BCAR1: variants seen among roughly 807,000 people sequenced by gnomAD.
The protein encoded by BCAR1 is breast cancer anti-estrogen resistance protein 1.
Under a neutral mutation model 67.6 loss-of-function variants are expected in BCAR1, and 30 were observed. The observed-to-expected ratio is 0.44, with a 90% CI of 0.33 to 0.60. The LOEUF is 0.60. Among genes scored for constraint, BCAR1 ranks in the 20% least tolerant of loss-of-function variants. BCAR1 has a pLI of 0.02. For missense variants in BCAR1, 1,313 were observed against 1,222.3 expected, an observed-to-expected ratio of 1.07 and a Z score of -1.11; for synonymous variants, 626 against 556.7, an observed-to-expected ratio of 1.12 and a Z score of -1.75.
chr16:75,263,958 C>G, intron 1 of BCAR1: 1 of 1,137,982 alleles, frequency 8.8e-7, no homozygotes, highest in Non-Finnish European at 1.1e-6. Flanking sequence ...CCACGGTGAT[C>G]TGCCAGCCAG....
chr16:75,236,866 C>G lies in BCAR1; in HGVS notation c.912+16G>C. Reference sequence around the variant, plus strand: ...AGCCTCAGCCTGGCCCTGGCATTGCCCTGGCATTTGCTCACTGCGTGGTGG... The same window carrying G: ...AGCCTCAGCCTGGCCCTGGCATTGCGCTGGCATTTGCTCACTGCGTGGTGG... On this transcript the variant is annotated intron_variant, in intron 4 of 6. Coordinates refer to ENST00000162330, the MANE Select transcript of BCAR1 (RefSeq NM_014567.5). 3.1e-6 allele frequency: 5 copies of G among 1,609,672 alleles called. No individual in the cohort carries two copies. The highest frequency in any genetic ancestry group is 2.5e-6 in the Non-Finnish European group (3 of 1,177,954).
chr16:75,229,387 C>T lies in BCAR1; in HGVS notation c.*124G>A, dbSNP rs1186927516. 1.2e-5 allele frequency: 16 copies of T among 1,341,496 alleles called. No individual in the cohort carries two copies. The highest frequency in any genetic ancestry group is 4.9e-6 in the Non-Finnish European group (5 of 1,015,956). 83.1% of individuals were successfully genotyped at this position (1,341,496 alleles called of 1,614,324 possible). A position where few individuals can be genotyped will look rare whatever the true frequency, so the allele number is the denominator to read the frequency against. Reference sequence around the variant, plus strand: ...TATACAGATTCCTGGGCATCCAGGGCACCAGGACCGACGCAGAGCTGGGGT... The same window carrying T: ...TATACAGATTCCTGGGCATCCAGGGTACCAGGACCGACGCAGAGCTGGGGT... On this transcript the variant is annotated 3_prime_UTR_variant, in exon 7 of 7. Coordinates refer to ENST00000162330, the MANE Select transcript of BCAR1 (RefSeq NM_014567.5).
At chr16:75,261,075 G>A (rs2077898339) in intron 1 of BCAR1, among the ~76,000 whole-genome samples, 1 of 152,186 alleles carries the variant, frequency 6.6e-6, no homozygotes, top group Non-Finnish European at 1.5e-5. Context: ...TCAGAGCCGC[G>A]ACTTGTGACC....
At chr16:75,234,006 G>C in intron 5 of BCAR1, 71 bp from the exon 6 acceptor site, 1 of 1,472,238 alleles carries the variant, frequency 6.8e-7, no homozygotes, top group Non-Finnish European at 9.3e-7. Context: ...GCCCTGTGGC[G>C]GGCGCAGTGA....
intron 1 of BCAR1, chr16:75,264,433 C>G: frequency 6.6e-7 from 1 of 1,523,532 alleles, no homozygotes; most frequent in East Asian, 2.5e-5. Context: ...CCCCTGAGGC[C>G]CTGGGCCAGA....
intron 1 of BCAR1, among the ~76,000 whole-genome samples, chr16:75,257,763 C>T (rs998672876): frequency 6.6e-6 from 1 of 152,176 alleles, no homozygotes; most frequent in African/African-American, 2.4e-5. Flanking sequence ...GGTGGAAAAG[C>T]AATGCTTTTT....
intron 1 of BCAR1, among the ~76,000 whole-genome samples, chr16:75,245,142 G>A (rs888471399): frequency 6.6e-6 from 1 of 152,228 alleles, no homozygotes; most frequent in African/African-American, 2.4e-5. Context: ...CGGGCTCAGG[G>A]CCCCCATCCC....
Position 75,235,978 on chromosome 16 carries a change from G to A in BCAR1, c.921C>T (p.Asp307=), listed in dbSNP as rs753800401. The change falls in exon 5 of 7, where the codon GAC becomes GAT. Residue 307 remains aspartate (D), a synonymous_variant. Transcript: ENST00000162330. ...LPPSNHHAVY[D]VPPSVSKDVP... ...CATCCTTGCTCACCGATGGAGGAAC[G>A]TCGTAGACCTGGGGGACAAGCGGTG... 2.7e-5 allele frequency: 42 copies of A among 1,571,484 alleles called. No individual in the cohort carries two copies. The highest frequency in any genetic ancestry group is 3.3e-5 in the Non-Finnish European group (38 of 1,157,922).
rs1354702313 is a variant in BCAR1, at chr16:75,229,697, G to A, written c.2427C>T (p.Arg809=). The A allele has an allele frequency of 6.2e-7, 1 of 1,612,850 alleles. No homozygotes were observed. The highest frequency in any genetic ancestry group is 8.5e-7 in the Non-Finnish European group (1 of 1,179,878). The change falls in exon 7 of 7, where the codon CGC becomes CGT. Residue 809 remains arginine (R), a synonymous_variant. Coordinates refer to ENST00000162330, the MANE Select transcript of BCAR1 (RefSeq NM_014567.5). ...LSRQAKAADV[R]SQVTHYSNLL... ...GGTTGCTGTAGTGGGTCACCTGGCTGCGCACGTCAGCAGCCTTGGCCTGCC... is the reference window on the plus strand; with the variant it reads ...GGTTGCTGTAGTGGGTCACCTGGCTACGCACGTCAGCAGCCTTGGCCTGCC...
At position 75,251,178 on chromosome 16, in the gene BCAR1, GC is replaced by G. The variant is rs879884725; in HGVS notation, c.12+292del. ...AAGGTGACACAGCAGGCGGCCGTCG[GC>G]CGGGGAGCGCGGGCCCCGCCAGCCA... is the stretch of plus-strand genomic sequence containing the variant. On this transcript the variant is annotated intron_variant, in intron 1 of 6. Transcript: ENST00000162330. 2.1e-3 allele frequency among the ~76,000 whole-genome samples: 324 copies of G among 152,146 alleles called. 1 individual carries two copies. The highest frequency in any genetic ancestry group is 3.6e-3 in the Non-Finnish European group (248 of 67,958).
chr16:75,264,298 A>G, intron 1 of BCAR1: 1 of 1,419,876 alleles, frequency 7.0e-7, no homozygotes, highest in Non-Finnish European at 9.2e-7. Flanking sequence ...AGGCCCGCCC[A>G]GGCTGGGATG....
chr16:75,250,968 G>GAC, intron 1 of BCAR1: 1 of 985,566 alleles, frequency 1.0e-6, no homozygotes, highest in Non-Finnish European at 1.2e-6. Context: ...GGGTGCTCCG[G>GAC]CTGCGCAGCC....
chr16:75,235,892 G>A lies in BCAR1; in HGVS notation c.1007C>T (p.Ala336Val), dbSNP rs570248115. The change falls in exon 5 of 7, where the codon GCC becomes GTC. Residue 336 changes from alanine (A) to valine (V), a missense_variant. Coordinates refer to ENST00000162330, the MANE Select transcript of BCAR1 (RefSeq NM_014567.5). ...TYDVPPAFAK[A>V]KPFDPARTPL... ...GGTGCGGGCCGGGTCAAAGGGCTTG[G>A]CCTTGGCGAAGGCGGGGGGCACATC... The A allele has an allele frequency of 4.5e-6, 7 of 1,563,750 alleles. No homozygotes were observed. The highest frequency in any genetic ancestry group is 2.7e-5 in the African/African-American group (2 of 74,026).
At chr16:75,265,979 T>C in intron 1 of BCAR1, 1 of 1,053,510 alleles carries the variant, frequency 9.5e-7, no homozygotes, top group Non-Finnish European at 1.1e-6. Context: ...GACGCCGGAC[T>C]GTCCGGCCGC....
chr16:75,233,762 C>G, intron 6 of BCAR1, 84 bp downstream of exon 6: 2 of 1,396,254 alleles, frequency 1.4e-6, no homozygotes, highest in South Asian at 2.6e-5. Flanking sequence ...AGCTGGGGAC[C>G]CGGGGTCGGC....
chr16:75,245,016 A>G (rs1354579551), intron 1 of BCAR1, among the ~76,000 whole-genome samples: 4 of 152,208 alleles, frequency 2.6e-5, no homozygotes, highest in East Asian at 3.9e-4. Flanking sequence ...AGAAAAAAAA[A>G]GAAAACGGTG....
At chr16:75,267,183 G>T (rs1475558535) in intron 1 of BCAR1, among the ~76,000 whole-genome samples, 1 of 152,188 alleles carries the variant, frequency 6.6e-6, no homozygotes, top group Admixed American at 6.5e-5. Flanking sequence ...GCAATGAGGG[G>T]GTATGAGGTA....
chr16:75,264,639 C>CA, intron 1 of BCAR1: 1 of 1,262,264 alleles, frequency 7.9e-7, no homozygotes, highest in Non-Finnish European at 1.0e-6. Flanking sequence ...CGAGCAGGAG[C>CA]GGGCTCTTTA....
intron 1 of BCAR1, chr16:75,249,573 C>T (rs1015207896): frequency 1.3e-5 from 2 of 152,376 alleles, no homozygotes; most frequent in Admixed American, 1.3e-4. Context: ...ACCTCTGACT[C>T]CAAAACTGCC....
Sources: gnomAD v4.1 joint callset for allele counts (sites outside exome capture counted in the v4.1 genomes callset) on GRCh38, gnomAD v4.1.1 for gene constraint, MANE v1.5 for transcripts, NCBI Gene and HGNC (gene_info 2026-07-23, HGNC 2026-07-21) for gene names.